The following BRINP2 variants were observed in gnomAD, a reference collection of about 807,000 sequenced individuals.
BRINP2 encodes BMP/retinoic acid-inducible neural-specific protein 2.
BRINP2 carries 21 observed loss-of-function variants against 69.2 expected under a neutral mutation model. That is an observed-to-expected ratio of 0.30 (90% confidence interval 0.22 to 0.44). The LOEUF is 0.44. BRINP2 is among the 20% of genes least tolerant of loss of function. The pLI, the probability that BRINP2 is intolerant of heterozygous loss-of-function variation, is 1.00. For missense variants in BRINP2, 877 were observed against 986.0 expected (o/e 0.89, Z 1.48); for synonymous variants, 380 against 394.1 (o/e 0.96, Z 0.42).
Position 177,280,918 on chromosome 1 carries a change from C to T in BRINP2, c.1742C>T (p.Thr581Ile). ...CAGATCTGTCTCACCAAGAACAGCA[C>T]CCTGGAGCCTGTCATGGCCATCTAC... Reference protein sequence around the residue: ...SLQICLTKNSTLEPVMAIYVN... With the variant: ...SLQICLTKNSILEPVMAIYVN... Residue 581 changes from threonine to isoleucine, a missense_variant, in exon 8 of 8, where the codon ACC becomes ATC. Thr to Ile is a moderately conservative substitution (Grantham distance 89). Transcript: ENST00000361539. The T allele has an allele frequency of 6.2e-7, 1 of 1,614,194 alleles. No homozygotes were observed. The highest frequency in any genetic ancestry group is 8.5e-7 in the Non-Finnish European group (1 of 1,180,036).
chr1:177,182,482 T>TA (rs1648290605), intron 1 of BRINP2, among the ~76,000 whole-genome samples: 1 of 152,124 alleles, frequency 6.6e-6, no homozygotes, highest in East Asian at 1.9e-4. Flanking sequence ...ATTCTTTACA[T>TA]ACGCTGCATC....
chr1:177,250,560 C>T (rs936140221), intron 2 of BRINP2, among the ~76,000 whole-genome samples: 15 of 152,264 alleles, frequency 9.9e-5, no homozygotes, highest in African/African-American at 2.6e-4. Context: ...CTCCTGACCT[C>T]GTGATCCACC....
chr1:177,247,084 GA>G, intron 2 of BRINP2, among the ~76,000 whole-genome samples: 1 of 152,226 alleles, frequency 6.6e-6, no homozygotes, highest in Non-Finnish European at 1.5e-5. Flanking sequence ...TTTTCAAGAT[GA>G]AAAATGTGAG....
At chr1:177,217,562 T>G (rs559162217) in intron 1 of BRINP2, among the ~76,000 whole-genome samples, 1 of 152,210 alleles carries the variant, frequency 6.6e-6, no homozygotes, top group Non-Finnish European at 1.5e-5. Context: ...GTTATGAGTC[T>G]TTATAATCCT....
rs1389453882 is a variant in BRINP2, at chr1:177,171,012, G to T, written c.-797G>T. On this transcript the variant is annotated 5_prime_UTR_variant, in exon 1 of 8. Transcript: ENST00000361539. ...GAGCGCGGAGTCGGAGCGGGGACGCGCCGGGCTGCAGCTCTGGGATGCAAT... is the reference window on the plus strand; with the variant it reads ...GAGCGCGGAGTCGGAGCGGGGACGCTCCGGGCTGCAGCTCTGGGATGCAAT... Among the ~76,000 whole-genome samples the T allele has an allele frequency of 6.6e-6, 1 of 152,256 alleles. No individual in the cohort carries two copies. The highest frequency in any genetic ancestry group is 2.4e-5 in the African/African-American group (1 of 41,468).
chr1:177,237,215 A>G (rs980169405), intron 2 of BRINP2, among the ~76,000 whole-genome samples: 1 of 152,182 alleles, frequency 6.6e-6, no homozygotes, highest in African/African-American at 2.4e-5. Context: ...TCCTCTCTCA[A>G]GTATTTATGG....
chr1:177,185,181 C>T (rs1277022781), intron 1 of BRINP2, among the ~76,000 whole-genome samples: 5 of 151,840 alleles, frequency 3.3e-5, no homozygotes, highest in Admixed American at 2.0e-4. Context: ...AGTTGGAGAA[C>T]GTGCCCTCCT....
At chr1:177,211,554 A>C (rs931670981) in intron 1 of BRINP2, among the ~76,000 whole-genome samples, 4 of 152,144 alleles carry the variant, frequency 2.6e-5, no homozygotes, top group African/African-American at 9.7e-5. Context: ...ATTTTGTAGG[A>C]TGTTCCTTAA....
At chr1:177,191,420 G>A (rs1298433273) in intron 1 of BRINP2, among the ~76,000 whole-genome samples, 2 of 152,056 alleles carry the variant, frequency 1.3e-5, no homozygotes, top group Non-Finnish European at 2.9e-5. Context: ...TGGCCTGGCA[G>A]TCCCTCCCTC....
At chr1:177,229,601 G>C (rs1364459804) in intron 1 of BRINP2, among the ~76,000 whole-genome samples, 200 bp from the exon 2 acceptor site, 1 of 152,120 alleles carries the variant, frequency 6.6e-6, no homozygotes, top group African/African-American at 2.4e-5. Flanking sequence ...GTGAAATGAT[G>C]GCAATAGTGT....
intron 1 of BRINP2, among the ~76,000 whole-genome samples, chr1:177,205,518 G>A (rs1649047797): frequency 6.6e-6 from 1 of 152,206 alleles, no homozygotes; most frequent in Non-Finnish European, 1.5e-5. Flanking sequence ...TGAGAAGAAT[G>A]AGTACAGATC....
chr1:177,271,028 G>A (rs1024268072), intron 4 of BRINP2, among the ~76,000 whole-genome samples: 1 of 152,218 alleles, frequency 6.6e-6, no homozygotes, highest in Non-Finnish European at 1.5e-5. Flanking sequence ...GCAGGCTCAT[G>A]TGTAACAGCC....
intron 4 of BRINP2, among the ~76,000 whole-genome samples, chr1:177,267,117 AT>A (rs1298632305): frequency 6.6e-6 from 1 of 152,210 alleles, no homozygotes; most frequent in Non-Finnish European, 1.5e-5. Flanking sequence ...ATGCAAGTAC[AT>A]ATAAGCATGC....
At chr1:177,220,357 C>T (rs941666383) in intron 1 of BRINP2, among the ~76,000 whole-genome samples, 12 of 152,088 alleles carry the variant, frequency 7.9e-5, no homozygotes, top group Admixed American at 5.9e-4. Context: ...TCATGAATGG[C>T]TTGGGTCATT....
At chr1:177,228,978 C>T (rs1470053379) in intron 1 of BRINP2, among the ~76,000 whole-genome samples, 1 of 152,108 alleles carries the variant, frequency 6.6e-6, no homozygotes, top group East Asian at 1.9e-4. Context: ...AAGATCTGCT[C>T]TCAGGAGCTG....
Position 177,214,760 on chromosome 1 carries a change from T to C in BRINP2, c.-76-15041T>C, listed in dbSNP as rs988112249. On this transcript the variant is annotated intron_variant, in intron 1 of 7. Transcript: ENST00000361539. ...TGAATACCAACTTTTCATTATTTTT[T>C]AGGATTTTAAAAATTACTTATTGAC... is the stretch of plus-strand genomic sequence containing the variant. Among the ~76,000 whole-genome samples, 4 of 152,354 alleles carry C rather than the reference T, an allele frequency of 2.6e-5. No individual in the cohort carries two copies. The East Asian group carries it at 7.7e-4, about 29-fold the overall frequency.
chr1:177,249,265 A>AT (rs1650505565), intron 2 of BRINP2, among the ~76,000 whole-genome samples: 1 of 152,184 alleles, frequency 6.6e-6, no homozygotes, highest in South Asian at 2.1e-4. Context: ...GGAAATACAT[A>AT]TTGTTCACTC....
chr1:177,202,425 GA>G (rs1476564944), intron 1 of BRINP2, among the ~76,000 whole-genome samples: 1 of 152,162 alleles, frequency 6.6e-6, no homozygotes, highest in African/African-American at 2.4e-5. Context: ...TGGTTTCAAA[GA>G]ACATCTTTAT....
rs148375083 is a variant in BRINP2 at position 177,178,385 on chromosome 1, C to T, written c.-77+6653C>T. On this transcript the variant is annotated intron_variant, in intron 1 of 7. Coordinates refer to ENST00000361539, the MANE Select transcript of BRINP2 (RefSeq NM_021165.4). ...GAGCTGGTCCAATAACCTCTCTGTG[C>T]ATCTTTCCTACATCCCGCTTCTCAC... 5.6e-3 allele frequency among the ~76,000 whole-genome samples: 854 copies of T among 152,276 alleles called. 11 individuals are homozygous for T. Among genetic ancestry groups the T allele is most frequent in the African/African-American group, 0.019 (803 of 41,562 alleles).
Sources: gnomAD v4.1 joint callset for allele counts (sites outside exome capture counted in the v4.1 genomes callset) on GRCh38, gnomAD v4.1.1 for gene constraint, MANE v1.5 for transcripts, NCBI Gene and HGNC (gene_info 2026-07-23, HGNC 2026-07-21) for gene names.